Variants in HSPA4 observed in about 807,000 individuals in gnomAD.
HSPA4 encodes heat shock 70 kDa protein 4.
A neutral mutation model predicts 106.2 loss-of-function variants in HSPA4; 25 were observed. That is an observed-to-expected ratio of 0.24 (90% CI 0.17 to 0.33). The LOEUF (loss-of-function observed/expected upper bound fraction) is 0.33. Ranked by LOEUF, HSPA4 falls within the 10% of genes least tolerant of loss-of-function variation. The pLI is 1.00. For missense variants in HSPA4, 841 were observed against 996.0 expected (o/e 0.84, Z 2.10); for synonymous variants, 332 against 333.6 (o/e 1.00, Z 0.05).
At chr5:133,088,132 A>G (rs1765601487) in intron 8 of HSPA4, among the ~76,000 whole-genome samples, 1 of 152,164 alleles carries the variant, frequency 6.6e-6, no homozygotes, top group East Asian at 1.9e-4. Context: ...TGAGAAATTC[A>G]GGACCTGTAC....
At chr5:133,083,403 A>G (rs1334636705) in intron 7 of HSPA4, among the ~76,000 whole-genome samples, 1 of 152,230 alleles carries the variant, frequency 6.6e-6, no homozygotes, top group Non-Finnish European at 1.5e-5. Context: ...AGTTTCAGAC[A>G]TGCAACAAAG....
chr5:133,089,709 TG>T lies in HSPA4; in HGVS notation c.1378+16del, dbSNP rs2126711076. 6.7e-7 allele frequency: 1 copy of T among 1,491,740 alleles called. No individual in the cohort carries two copies. The highest frequency in any genetic ancestry group is 1.5e-5 in the African/African-American group (1 of 66,358). The allele number at this position is 1,491,740 out of a possible 1,614,324, so 92.4% of individuals were successfully genotyped here. On this transcript the variant is annotated intron_variant, in intron 11 of 18. Transcript: ENST00000304858. The stretch of plus-strand genomic sequence containing the variant: ...ATCCTGCTATAGGTAAGTAAAGAGT[TG>T]GAAATTAAAAAAGAAAAAAAAAAAA...
intron 7 of HSPA4, among the ~76,000 whole-genome samples, chr5:133,081,422 C>CT (rs1765514056): frequency 6.6e-6 from 1 of 152,058 alleles, no homozygotes. Context: ...CTGTGTTGTT[C>CT]TGCTTAGTTT....
chr5:133,070,458 A>G lies in HSPA4; in HGVS notation c.391A>G (p.Ser131Gly). 6.2e-7 allele frequency: 1 copy of G among 1,613,940 alleles called. No individual in the cohort carries two copies. The highest frequency in any genetic ancestry group is 8.5e-7 in the Non-Finnish European group (1 of 1,179,922). ...LLSKLKETAE[S>G]VLKKPVVDCV... ...GTCCAAACTGAAGGAGACAGCCGAA[A>G]GTGTTCTTAAGAAGCCTGTAGTTGA... Residue 131 changes from serine (S) to glycine (G), a missense_variant, in exon 4 of 19, where the codon AGT (serine) becomes GGT (glycine). By Grantham distance (56) the Ser-to-Gly change is moderately conservative. Coordinates refer to ENST00000304858, the MANE Select transcript of HSPA4 (RefSeq NM_002154.4).
rs188194967 is a variant in HSPA4, at chr5:133,077,538, C to T, written c.908+640C>T. Among the ~76,000 whole-genome samples the T allele has an allele frequency of 1.0e-3, 152 of 152,116 alleles. 3 individuals carry two copies. The highest frequency in any genetic ancestry group is 8.5e-4 in the Admixed American group (13 of 15,252). On this transcript the variant is annotated intron_variant, in intron 7 of 18. Coordinates refer to ENST00000304858, the MANE Select transcript of HSPA4 (RefSeq NM_002154.4). The stretch of plus-strand genomic sequence containing the variant: ...CAGGTGTGAGCCACCGTGCCTAGCC[C>T]GAAATTTTTCTTTTTGAAATATTCG...
chr5:133,091,560 G>A (rs575313658), intron 12 of HSPA4, among the ~76,000 whole-genome samples, 186 bp downstream of exon 12: 37 of 152,270 alleles, frequency 2.4e-4, no homozygotes, highest in Non-Finnish European at 4.0e-4. Flanking sequence ...AATTTGTATA[G>A]AAGTGGAACA....
At chr5:133,069,540 T>C (rs1765355111) in intron 3 of HSPA4, among the ~76,000 whole-genome samples, 1 of 152,176 alleles carries the variant, frequency 6.6e-6, no homozygotes. Flanking sequence ...TGTGAGCCAC[T>C]GCACCTAGCC....
At chr5:133,068,434 G>C (rs369926848) in intron 3 of HSPA4, among the ~76,000 whole-genome samples, 94 of 152,074 alleles carry the variant, frequency 6.2e-4, no homozygotes, top group East Asian at 3.9e-4. Flanking sequence ...ATCCATGAGG[G>C]GGGGTGGGGG....
At chr5:133,088,605 G>A (rs781684710) in intron 9 of HSPA4, 50 bp downstream of exon 9, 2 of 1,497,364 alleles carry the variant, frequency 1.3e-6, no homozygotes, top group Non-Finnish European at 9.3e-7. Context: ...ATTGTAACAA[G>A]ATGGCAGTGG....
chr5:133,095,445 A>C (rs1392819679), intron 13 of HSPA4, among the ~76,000 whole-genome samples: 1 of 152,230 alleles, frequency 6.6e-6, no homozygotes, highest in African/African-American at 2.4e-5. Context: ...GAAAAAGGTT[A>C]AAAGAAACTC....
chr5:133,080,184 T>TG (rs1467740016), intron 7 of HSPA4, among the ~76,000 whole-genome samples: 1 of 151,270 alleles, frequency 6.6e-6, no homozygotes, highest in Non-Finnish European at 1.5e-5. Context: ...GACGTCGAGG[T>TG]GGGCGGATGG....
Position 133,092,807 on chromosome 5 carries a change from T to TTTTTTTTG in HSPA4, c.1650+25_1650+26insGTTTTTTT. ...AAATGGAGGTATGCATTGGGTGGTG[T>TTTTTTTTG]TTTTTTTTTTTTTTTTTTTTTTTTT... On this transcript the variant is annotated intron_variant, in intron 13 of 18. Coordinates refer to ENST00000304858, the MANE Select transcript of HSPA4 (RefSeq NM_002154.4). The TTTTTTTTG allele has an allele frequency of 4.4e-5, 1 of 22,668 alleles. No individual in the cohort carries two copies. Among genetic ancestry groups the TTTTTTTTG allele is most frequent in the African/African-American group, 8.0e-4 (1 of 1,246 alleles). The allele number at this position is 22,668 out of a possible 1,614,324, so 1.4% of individuals were successfully genotyped here.
chr5:133,095,609 C>CCCT (rs551878721), intron 13 of HSPA4, among the ~76,000 whole-genome samples: 1 of 151,760 alleles, frequency 6.6e-6, no homozygotes, highest in Non-Finnish European at 1.5e-5. Flanking sequence ...ATATTTCATA[C>CCCT]CCTCCTCCTC....
At chr5:133,077,780 G>T (rs536739636) in intron 7 of HSPA4, among the ~76,000 whole-genome samples, 1 of 152,014 alleles carries the variant, frequency 6.6e-6, no homozygotes, top group South Asian at 2.1e-4. Flanking sequence ...TGAGCTATCC[G>T]TAAAAAAATT....
chr5:133,093,732 C>T (rs926251047), intron 13 of HSPA4, among the ~76,000 whole-genome samples: 2 of 151,954 alleles, frequency 1.3e-5, no homozygotes, highest in Admixed American at 1.3e-4. Context: ...CTCAAGTGAT[C>T]CTCCCACTTC....
chr5:133,103,894 T>C lies in HSPA4; in HGVS notation c.2187T>C (p.Ala729=). 1 of 1,614,064 alleles carries C rather than the reference T, an allele frequency of 6.2e-7. No individual in the cohort carries two copies. Among genetic ancestry groups the C allele is most frequent in the Non-Finnish European group, 8.5e-7 (1 of 1,180,002 alleles). The change falls in exon 18 of 19, where the codon GCT becomes GCC. Residue 729 remains alanine (A), a synonymous_variant. Transcript: ENST00000304858. The part of the protein sequence containing the change: ...KEDQYDHLDA[A]DMTKVEKSTN... Reference sequence around the variant, plus strand: ...ACCAGTATGATCATTTGGATGCTGCTGACATGACAAAGGTAGAAAAAAGCA... The same window carrying C: ...ACCAGTATGATCATTTGGATGCTGCCGACATGACAAAGGTAGAAAAAAGCA...
intron 14 of HSPA4, among the ~76,000 whole-genome samples, 180 bp downstream of exon 14, chr5:133,096,430 C>T (rs28472934): frequency 6.6e-6 from 1 of 152,084 alleles, no homozygotes; most frequent in African/African-American, 2.4e-5. Context: ...TATGTCAATT[C>T]TTTTATGGTG....
At chr5:133,088,659 G>A (rs1765608832) in intron 9 of HSPA4, 104 bp downstream of exon 9, 1 of 944,112 alleles carries the variant, frequency 1.1e-6, no homozygotes, top group African/African-American at 1.7e-5. Context: ...GTGACTTCAG[G>A]GTGTTGAGAT....
At chr5:133,053,762 C>T (rs1435180709) in intron 1 of HSPA4, among the ~76,000 whole-genome samples, 3 of 151,894 alleles carry the variant, frequency 2.0e-5, no homozygotes, top group Non-Finnish European at 4.4e-5. Flanking sequence ...GGGGTTCATG[C>T]GATTCTCCTG....
Sources: allele counts gnomAD v4.1 joint callset (sites outside exome capture counted in the v4.1 genomes callset), GRCh38; gene constraint gnomAD v4.1.1; transcripts MANE v1.5; gene names NCBI Gene and HGNC (gene_info 2026-07-23, HGNC 2026-07-21).